NRXN3: variants seen among roughly 807,000 people sequenced by gnomAD.
The protein encoded by NRXN3 is neurexin III.
NRXN3 carries 32 observed loss-of-function variants against 137.6 expected under a neutral mutation model. The observed-to-expected ratio is 0.23, with a 90% CI of 0.18 to 0.31. The LOEUF (loss-of-function observed/expected upper bound fraction) is 0.31. Among genes scored for constraint, NRXN3 ranks in the 10% least tolerant of loss-of-function variants. The pLI is 1.00. For missense variants in NRXN3, 1,574 were observed against 2,062.5 expected, an observed-to-expected ratio of 0.76 and a Z score of 4.59; for synonymous variants, 798 against 784.5, an observed-to-expected ratio of 1.02 and a Z score of -0.29.
chr14:79,030,635 C>CTTTTTTTTTTTTTTTTTTTTTTTTTTTTT, intron 15 of NRXN3, among the ~76,000 whole-genome samples: 1 of 54,258 alleles, frequency 1.8e-5, no homozygotes, highest in Non-Finnish European at 3.2e-5. Context: ...TTCTCTGTGT[C>CTTTTTTTTTTTTTTTTTTTTTTTTTTTTT]TTTTTTTTTT....
intron 1 of NRXN3, among the ~76,000 whole-genome samples, chr14:78,235,757 T>C (rs2066206092): frequency 6.6e-6 from 1 of 152,208 alleles, no homozygotes; most frequent in Non-Finnish European, 1.5e-5. Context: ...TGTTTCCCCT[T>C]CTTTTTCCTA....
At chr14:78,225,974 G>GTGTGTTGGTGTGT (rs1394081828) in intron 1 of NRXN3, among the ~76,000 whole-genome samples, 3 of 123,632 alleles carry the variant, frequency 2.4e-5, no homozygotes, top group African/African-American at 9.3e-5. Context: ...TGTGTGTGTT[G>GTGTGTTGGTGTGT]GTGTGTGTGT....
At chr14:79,346,474 A>G (rs1372342123) in intron 15 of NRXN3, among the ~76,000 whole-genome samples, 1 of 152,156 alleles carries the variant, frequency 6.6e-6, no homozygotes, top group African/African-American at 2.4e-5. Context: ...AAGACAAGAT[A>G]TGAGCACATC....
intron 16 of NRXN3, among the ~76,000 whole-genome samples, chr14:79,498,226 C>T (rs1381010566): frequency 6.6e-6 from 1 of 152,208 alleles, no homozygotes; most frequent in Non-Finnish European, 1.5e-5. Context: ...TAATTCATCT[C>T]ATAAACCTAC....
At chr14:79,510,562 C>A (rs1301165172) in intron 16 of NRXN3, among the ~76,000 whole-genome samples, 2 of 152,204 alleles carry the variant, frequency 1.3e-5, no homozygotes, top group African/African-American at 4.8e-5. Context: ...ACAGATGTGG[C>A]CAGAAGAAGT....
At chr14:79,859,415 C>A (rs1020167748) in intron 20 of NRXN3, among the ~76,000 whole-genome samples, 1 of 152,112 alleles carries the variant, frequency 6.6e-6, no homozygotes, top group Non-Finnish European at 1.5e-5. Flanking sequence ...CACCTGAAAC[C>A]TGGACAATTT....
At chr14:78,319,008 G>C (rs1176216569) in intron 4 of NRXN3, among the ~76,000 whole-genome samples, 2 of 152,204 alleles carry the variant, frequency 1.3e-5, no homozygotes, top group African/African-American at 4.8e-5. Flanking sequence ...AAACTCCCAA[G>C]GGATGTCCAT....
At chr14:78,884,697 C>G (rs1031647311) in intron 10 of NRXN3, among the ~76,000 whole-genome samples, 1 of 152,126 alleles carries the variant, frequency 6.6e-6, no homozygotes, top group East Asian at 1.9e-4. Flanking sequence ...AATACATTCT[C>G]TTTAATCAAG....
intron 15 of NRXN3, among the ~76,000 whole-genome samples, chr14:79,333,795 G>A (rs1205630826): frequency 1.3e-5 from 2 of 152,102 alleles, no homozygotes; most frequent in African/African-American, 4.8e-5. Context: ...AGGCTTTTAG[G>A]CATCTTCAGA....
intron 4 of NRXN3, among the ~76,000 whole-genome samples, chr14:78,641,049 A>G (rs1015593966): frequency 6.6e-5 from 10 of 152,184 alleles, no homozygotes; most frequent in African/African-American, 2.2e-4. Flanking sequence ...TGTCTCTTCA[A>G]CCTACTTCTC....
In NRXN3 at chr14:79,061,276, A is replaced by T. The variant is rs7158612; in HGVS notation, c.3262+73135A>T. ...CTAATTGAATACTCTCACAAGCAAA[A>T]GTACTTTTGTAATGGTAATTCATGC... On this transcript the variant is annotated intron_variant, in intron 15 of 20. Transcript: ENST00000335750. Among the ~76,000 whole-genome samples the T allele has an allele frequency of 4.0e-3, 615 of 152,312 alleles. 2 individuals carry two copies. Among genetic ancestry groups the T allele is most frequent in the African/African-American group, 0.014 (594 of 41,568 alleles).
intron 16 of NRXN3, among the ~76,000 whole-genome samples, chr14:79,540,902 G>A (rs949949009): frequency 6.6e-6 from 1 of 152,084 alleles, no homozygotes; most frequent in East Asian, 1.9e-4. Context: ...ATCAAACAAA[G>A]ATTTTTTTTT....
At chr14:79,642,128 T>G (rs369931383) in intron 16 of NRXN3, among the ~76,000 whole-genome samples, 2 of 135,764 alleles carry the variant, frequency 1.5e-5, no homozygotes, top group African/African-American at 4.9e-5. Context: ...TAAAGCAGGG[T>G]ATTTACCACA....
intron 1 of NRXN3, among the ~76,000 whole-genome samples, chr14:78,237,445 T>G (rs1249524097): frequency 1.3e-5 from 2 of 152,248 alleles, no homozygotes; most frequent in Non-Finnish European, 2.9e-5. Flanking sequence ...CTTGTTGTTT[T>G]CATTATTAGA....
intron 15 of NRXN3, among the ~76,000 whole-genome samples, chr14:79,071,468 T>C (rs1187650753): frequency 6.6e-6 from 1 of 152,186 alleles, no homozygotes; most frequent in East Asian, 1.9e-4. Flanking sequence ...ATTTTTTAAA[T>C]ACATAAATAA....
chr14:78,519,736 T>A lies in NRXN3; in HGVS notation c.758-125384T>A, dbSNP rs572886612. On this transcript the variant is annotated intron_variant, in intron 4 of 20. Transcript: ENST00000335750. The stretch of plus-strand genomic sequence containing the variant: ...CATTCACAGAGAAGGTTATATTTGT[T>A]GAGGACCTTGAAGGAGTAGGAGTTG... 5.9e-5 allele frequency among the ~76,000 whole-genome samples: 5 copies of A among 84,080 alleles called. No homozygotes were observed. The East Asian group carries it at 1.9e-3, about 32-fold the overall frequency. The allele number at this position is 84,080 out of a possible 152,430, so 55.2% of individuals were successfully genotyped here. A position where few individuals can be genotyped will look rare whatever the true frequency, so the allele number is the denominator to read the frequency against.
intron 6 of NRXN3, among the ~76,000 whole-genome samples, chr14:78,691,659 A>G (rs945444129): frequency 3.9e-5 from 6 of 152,258 alleles, no homozygotes; most frequent in African/African-American, 1.2e-4. Flanking sequence ...GATGCTAACA[A>G]TCTTTCAGAT....
chr14:79,686,348 G>T (rs2098694819), intron 17 of NRXN3, among the ~76,000 whole-genome samples: 1 of 152,048 alleles, frequency 6.6e-6, no homozygotes, highest in Admixed American at 6.6e-5. Flanking sequence ...GACTGAAAAA[G>T]GTTTTGGAAG....
chr14:79,288,897 C>G (rs2197994), intron 15 of NRXN3, among the ~76,000 whole-genome samples: 1,941 of 151,494 alleles, frequency 0.013, 32 homozygotes, highest in South Asian at 0.081. Flanking sequence ...CTTGATATGT[C>G]TTTTTTTTTG....
Sources: gnomAD v4.1 joint callset for allele counts (sites outside exome capture counted in the v4.1 genomes callset) on GRCh38, gnomAD v4.1.1 for gene constraint, MANE v1.5 for transcripts, NCBI Gene and HGNC (gene_info 2026-07-23, HGNC 2026-07-21) for gene names.